The following UBE2U variants were observed in gnomAD, a reference collection of about 807,000 sequenced individuals.
UBE2U encodes the protein ubiquitin-conjugating enzyme E2 U.
In UBE2U, 39 loss-of-function variants were observed where a neutral mutation model predicts 41.2. That is an observed-to-expected ratio of 0.95 (90% CI 0.73 to 1.24). UBE2U has a LOEUF of 1.24. Ranked by LOEUF, UBE2U falls within the 50% of genes most tolerant of loss-of-function variation. The pLI is 0.00. For missense variants in UBE2U, 336 were observed against 363.1 expected (o/e 0.93, Z 0.61); for synonymous variants, 107 against 117.8 (o/e 0.91, Z 0.60).
chr1:64,253,928 G>A (rs1645051328), intron 8 of UBE2U, among the ~76,000 whole-genome samples: 1 of 152,114 alleles, frequency 6.6e-6, no homozygotes. Context: ...AATCTTAAAT[G>A]CAAATGTGCT....
At chr1:64,255,215 A>T (rs1218616423) in intron 8 of UBE2U, among the ~76,000 whole-genome samples, 1 of 152,114 alleles carries the variant, frequency 6.6e-6, no homozygotes, top group African/African-American at 2.4e-5. Flanking sequence ...CCAAGACTGA[A>T]CCGGGAAGAA....
chr1:64,239,152 A>AGAGGAG (rs1557730832), intron 7 of UBE2U, among the ~76,000 whole-genome samples: 3 of 25,162 alleles, frequency 1.2e-4, no homozygotes, highest in South Asian at 4.0e-3. Context: ...AAGAAGAAGA[A>AGAGGAG]GAAGAAAGAA....
At chr1:64,246,115 TAAAC>T (rs1644916204) in intron 8 of UBE2U, among the ~76,000 whole-genome samples, 1 of 148,202 alleles carries the variant, frequency 6.7e-6, no homozygotes, top group African/African-American at 2.5e-5. Flanking sequence ...ATTCTATTAT[TAAAC>T]AATGTTAGTT....
chr1:64,254,178 G>A (rs1489622198), intron 8 of UBE2U, among the ~76,000 whole-genome samples: 1 of 152,134 alleles, frequency 6.6e-6, no homozygotes, highest in Non-Finnish European at 1.5e-5. Flanking sequence ...ATTACACAAT[G>A]GTAAAGGGTT....
intron 9 of UBE2U, among the ~76,000 whole-genome samples, chr1:64,262,424 G>C (rs1044125513): frequency 1.3e-5 from 2 of 152,156 alleles, no homozygotes; most frequent in Admixed American, 1.3e-4. Flanking sequence ...CAAGGCTTTG[G>C]CTGGGCTGCA....
chr1:64,255,040 A>G (rs1476723274), intron 8 of UBE2U, among the ~76,000 whole-genome samples: 1 of 152,142 alleles, frequency 6.6e-6, no homozygotes, highest in African/African-American at 2.4e-5. Context: ...AATAAAGAAG[A>G]AAAGAGAGTA....
At chr1:64,204,187 T>TA (rs1569928855) in intron 1 of UBE2U, 71 bp downstream of exon 1, 9 of 1,460,602 alleles carry the variant, frequency 6.2e-6, no homozygotes, top group Non-Finnish European at 8.5e-6. Context: ...TAACCCATTT[T>TA]ATTCTATAAG....
intron 6 of UBE2U, among the ~76,000 whole-genome samples, chr1:64,223,691 T>G (rs1490230374): frequency 3.3e-5 from 5 of 152,124 alleles, no homozygotes; most frequent in Non-Finnish European, 7.3e-5. Flanking sequence ...ATCAAGATGC[T>G]GGGGGAGCAC....
intron 6 of UBE2U, among the ~76,000 whole-genome samples, chr1:64,229,616 A>T (rs566293255): frequency 1.3e-5 from 2 of 152,302 alleles, no homozygotes; most frequent in South Asian, 4.1e-4. Flanking sequence ...GATACTAAAC[A>T]ACTAGGTCAT....
Position 64,232,603 on chromosome 1 carries a change from G to T in UBE2U, c.549G>T (p.Trp183Cys), listed in dbSNP as rs770197012. Residue 183 changes from tryptophan (W) to cysteine (C), a missense_variant, in exon 7 of 10, where the codon TGG becomes TGT. Transcript: ENST00000371077. ...TTSFSDYYQT[W>C]SRIATSKATE... is the part of the protein sequence containing the mutation. Reference sequence around the variant, plus strand: ...CATTTAGTGATTACTACCAGACATGGTCCAGAATAGCTACATCAAAAGCCA... The same window carrying T: ...CATTTAGTGATTACTACCAGACATGTTCCAGAATAGCTACATCAAAAGCCA... 2 of 1,613,396 alleles carry T rather than the reference G, an allele frequency of 1.2e-6. No individual in the cohort carries two copies. The highest frequency in any genetic ancestry group is 3.3e-5 in the Admixed American group (2 of 59,988).
At position 64,254,860 on chromosome 1, in the gene UBE2U, G is replaced by A. The variant is rs766352168; in HGVS notation, c.678-5743G>A. 3.3e-5 allele frequency among the ~76,000 whole-genome samples: 5 copies of A among 151,982 alleles called. No individual in the cohort carries two copies. The South Asian group carries it at 1.0e-3, about 32-fold the overall frequency. ...TAACAATCTAACATCACAACTAAAA[G>A]AACTAGAGAACCAAGAGCAAACAAA... On this transcript the variant is annotated intron_variant, in intron 8 of 9. Transcript: ENST00000371077.
intron 9 of UBE2U, among the ~76,000 whole-genome samples, chr1:64,264,007 C>T (rs939414087): frequency 2.6e-5 from 4 of 152,136 alleles, no homozygotes; most frequent in African/African-American, 9.7e-5. Flanking sequence ...TTTCAATTCT[C>T]CAGCTGTAGC....
chr1:64,242,064 T>TA (rs1053932209), intron 8 of UBE2U, among the ~76,000 whole-genome samples: 10 of 143,502 alleles, frequency 7.0e-5, no homozygotes, highest in South Asian at 6.7e-4. Context: ...GCTTTTTTTT[T>TA]AAAAAAAAGA....
intron 7 of UBE2U, among the ~76,000 whole-genome samples, chr1:64,238,264 G>A (rs976899840): frequency 6.6e-6 from 1 of 152,012 alleles, no homozygotes; most frequent in Non-Finnish European, 1.5e-5. Flanking sequence ...AATTAGCCCG[G>A]CATGGTGGCG....
At chr1:64,220,384 C>T (rs1557711104) in intron 5 of UBE2U, among the ~76,000 whole-genome samples, 1 of 152,150 alleles carries the variant, frequency 6.6e-6, no homozygotes, top group Non-Finnish European at 1.5e-5. Context: ...CTTACTCCAT[C>T]CTGTTTTGTT....
At chr1:64,218,878 A>C (rs1652214340) in intron 5 of UBE2U, among the ~76,000 whole-genome samples, 1 of 152,192 alleles carries the variant, frequency 6.6e-6, no homozygotes, top group Admixed American at 6.5e-5. Flanking sequence ...AAAGCTATAA[A>C]ACAGCTACTA....
intron 4 of UBE2U, among the ~76,000 whole-genome samples, chr1:64,213,271 A>G (rs747868642): frequency 2.0e-5 from 3 of 152,146 alleles, no homozygotes; most frequent in Non-Finnish European, 4.4e-5. Flanking sequence ...ACATTCATAG[A>G]GTTCTAAAGT....
At chr1:64,262,022 TC>T (rs1272835879) in intron 9 of UBE2U, among the ~76,000 whole-genome samples, 2 of 152,170 alleles carry the variant, frequency 1.3e-5, no homozygotes, top group Non-Finnish European at 2.9e-5. Context: ...TCCCTCCCTC[TC>T]CCCTTCACAA....
intron 6 of UBE2U, among the ~76,000 whole-genome samples, chr1:64,231,978 A>G (rs1263540979): frequency 6.6e-6 from 1 of 152,240 alleles, no homozygotes; most frequent in African/African-American, 2.4e-5. Context: ...TTAACACCTT[A>G]TAACAATCTT....
Sources: allele counts gnomAD v4.1 joint callset (sites outside exome capture counted in the v4.1 genomes callset), GRCh38; gene constraint gnomAD v4.1.1; transcripts MANE v1.5; gene names NCBI Gene and HGNC (gene_info 2026-07-23, HGNC 2026-07-21).